Variants in BRI3 observed in about 807,000 individuals in gnomAD.
BRI3 encodes membrane protein BRI3.
BRI3 carries 6 observed loss-of-function variants against 12.8 expected under a neutral mutation model. That is an observed-to-expected ratio of 0.47 (90% CI 0.26 to 0.93). The LOEUF (loss-of-function observed/expected upper bound fraction) is 0.93. BRI3 is among the 40% of genes least tolerant of loss of function. BRI3 has a pLI of 0.15. For synonymous variants in BRI3, 91 were observed against 76.1 expected (o/e 1.20, Z -1.02); for missense variants, 134 against 171.1 (o/e 0.78, Z 1.21).
At position 98,282,527 on chromosome 7, in the gene BRI3, A is replaced by T; in HGVS notation, c.245+74A>T. 7.1e-6 allele frequency: 9 copies of T among 1,273,038 alleles called. 1 individual carries two copies. The South Asian group carries it at 1.1e-4, about 16-fold the overall frequency. The allele number at this position is 1,273,038 out of a possible 1,614,324, so 78.9% of individuals were successfully genotyped here. A position where few individuals can be genotyped will look rare whatever the true frequency, so the allele number is the denominator to read the frequency against. On this transcript the variant is annotated intron_variant, in intron 2 of 2. Coordinates refer to ENST00000297290, the MANE Select transcript of BRI3 (RefSeq NM_015379.5). ...CCCGCCCTAACCCCCAGGACCTCAC[A>T]GCTCTGCTTGTGGGAGTGGGTCCGG... is the stretch of plus-strand genomic sequence containing the variant.
the BRI3 span, among the ~76,000 whole-genome samples, chr7:98,316,648 T>A: frequency 2.6e-5 from 4 of 152,184 alleles, no homozygotes; most frequent in African/African-American, 9.6e-5. Flanking sequence ...AGACCTCTCT[T>A]CTAACTATTT....
downstream of BRI3, among the ~76,000 whole-genome samples, chr7:98,311,607 A>G (rs556235331): frequency 6.6e-6 from 1 of 151,562 alleles, no homozygotes; most frequent in Admixed American, 6.6e-5. Context: ...ATAGCGCCAA[A>G]CATAGTATAA....
upstream of BRI3, among the ~76,000 whole-genome samples, chr7:98,303,461 C>T (rs149381628): frequency 6.2e-4 from 94 of 152,348 alleles, 1 homozygote; most frequent in African/African-American, 2.2e-3. Flanking sequence ...CGCGCTGCTC[C>T]CCACCACGCC....
chr7:98,311,537 T>G (rs1387807768), downstream of BRI3, among the ~76,000 whole-genome samples: 1 of 150,244 alleles, frequency 6.7e-6, no homozygotes, highest in Non-Finnish European at 1.5e-5. Flanking sequence ...CAAGACTGTG[T>G]CTCAAAAACA....
At position 98,307,960 on chromosome 7, in the gene BRI3, T is replaced by A. The variant is rs190145321; in HGVS notation, n.590T>A. On this transcript the variant is annotated non_coding_transcript_exon_variant, in exon 2 of 2. Coordinates refer to the BRI3 transcript ENST00000485422. Reference sequence around the variant, plus strand: ...ATGAGAATCAATAGGCACATTCCAATGAGCAAACCCCAGGAATCCACCTGT... The same window carrying A: ...ATGAGAATCAATAGGCACATTCCAAAGAGCAAACCCCAGGAATCCACCTGT... The A allele has an allele frequency of 2.8e-4, 419 of 1,470,574 alleles. 1 individual carries two copies. In the East Asian group the frequency reaches 9.1e-3, roughly 32 times the overall value. The allele number at this position is 1,470,574 out of a possible 1,614,324, so 91.1% of individuals were successfully genotyped here.
chr7:98,310,613 G>A (rs1399103226), downstream of BRI3: 1 of 1,545,758 alleles, frequency 6.5e-7, no homozygotes, highest in Non-Finnish European at 8.7e-7. Context: ...TTCTTTATTA[G>A]TCCAATATTA....
At chr7:98,311,025 C>A (rs1800849843), downstream of BRI3, among the ~76,000 whole-genome samples, 1 of 152,020 alleles carries the variant, frequency 6.6e-6, no homozygotes, top group African/African-American at 2.4e-5. Flanking sequence ...AGAGTGGATC[C>A]ATGTGTTCAA....
chr7:98,289,114 C>T (rs560250471), intron 2 of BRI3, among the ~76,000 whole-genome samples: 34 of 152,244 alleles, frequency 2.2e-4, no homozygotes, highest in Non-Finnish European at 4.1e-4. Flanking sequence ...CCCACCACTA[C>T]GCCCAGCTAA....
At chr7:98,314,087 A>G (rs148133486), downstream of BRI3, among the ~76,000 whole-genome samples, 3,618 of 150,360 alleles carry the variant, frequency 0.024, 145 homozygotes, top group African/African-American at 0.084. Flanking sequence ...CTGGGTTCAA[A>G]CAATTCTCCT....
At chr7:98,316,894 C>CAGA in the BRI3 span, among the ~76,000 whole-genome samples, 1 of 150,904 alleles carries the variant, frequency 6.6e-6, no homozygotes, top group Non-Finnish European at 1.5e-5. Flanking sequence ...GATGGAGTCT[C>CAGA]ATTCTGTCAC....
intron 1 of BRI3, among the ~76,000 whole-genome samples, chr7:98,300,512 C>T (rs925610465): frequency 2.6e-5 from 4 of 152,214 alleles, no homozygotes; most frequent in Admixed American, 2.6e-4. Context: ...ATCAGGAAAG[C>T]GTACTGATGT....
intron 2 of BRI3, chr7:98,283,052 ACG>A (rs34268026): frequency 0.4 from 61,195 of 152,202 alleles, 13,401 homozygotes; most frequent in Middle Eastern, 0.54. Context: ...GGACCTGCAC[ACG>A]CTTTTTGGTT....
downstream of BRI3, chr7:98,312,181 A>G (rs1428564482): frequency 6.2e-7 from 1 of 1,614,086 alleles, no homozygotes; most frequent in Admixed American, 1.7e-5. Context: ...CTTCGATCAT[A>G]TTCATGATTT....
At chr7:98,300,846 C>G (rs1404046456) in intron 1 of BRI3, among the ~76,000 whole-genome samples, 1 of 152,200 alleles carries the variant, frequency 6.6e-6, no homozygotes, top group Non-Finnish European at 1.5e-5. Context: ...CTTGAGCCCC[C>G]CAAGTCACCG....
At chr7:98,321,125 C>T in the BRI3 span, among the ~76,000 whole-genome samples, 1 of 152,178 alleles carries the variant, frequency 6.6e-6, no homozygotes, top group South Asian at 2.1e-4. Flanking sequence ...TCCCAAAGTG[C>T]TGGGATGACA....
the BRI3 span, among the ~76,000 whole-genome samples, chr7:98,319,149 A>G: frequency 6.6e-6 from 1 of 152,016 alleles, no homozygotes; most frequent in African/African-American, 2.4e-5. Flanking sequence ...TCGCACACTC[A>G]CTGCCACATG....
chr7:98,294,289 G>A (rs1800094182), downstream of BRI3, among the ~76,000 whole-genome samples: 1 of 152,138 alleles, frequency 6.6e-6, no homozygotes, highest in Non-Finnish European at 1.5e-5. Context: ...CGCTGCGACT[G>A]GCCTGTATTG....
chr7:98,282,154 C>G (rs1473820312), intron 1 of BRI3, among the ~76,000 whole-genome samples, 197 bp from the exon 2 acceptor site: 1 of 152,160 alleles, frequency 6.6e-6, no homozygotes, highest in Non-Finnish European at 1.5e-5. Context: ...GGATCCCTGC[C>G]CCAGATGAAC....
At chr7:98,302,421 G>A (rs1237044398), upstream of BRI3, among the ~76,000 whole-genome samples, 1 of 152,168 alleles carries the variant, frequency 6.6e-6, no homozygotes, top group Non-Finnish European at 1.5e-5. Context: ...CAGGCTAGGC[G>A]AACATCAACA....
Sources: allele counts gnomAD v4.1 joint callset (sites outside exome capture counted in the v4.1 genomes callset), GRCh38; gene constraint gnomAD v4.1.1; transcripts MANE v1.5; gene names NCBI Gene and HGNC (gene_info 2026-07-23, HGNC 2026-07-21).